Variants in HS2ST1 observed in about 807,000 individuals in gnomAD.
The protein encoded by HS2ST1 is 2-O-sulfotransferase.
A neutral mutation model predicts 42.9 loss-of-function variants in HS2ST1; 18 were observed. The observed-to-expected ratio is 0.42, with a 90% CI of 0.29 to 0.62. The LOEUF (loss-of-function observed/expected upper bound fraction) is 0.62, where lower values mean the gene tolerates loss of function less well. Ranked by LOEUF, HS2ST1 falls within the 20% of genes least tolerant of loss-of-function variation. The probability of loss-of-function intolerance (pLI) is 0.21; values close to 1 mark genes in which losing one functional copy is unlikely to be tolerated. For missense variants in HS2ST1, 334 were observed against 433.8 expected (o/e 0.77, Z 2.04); for synonymous variants, 146 against 152.9 (o/e 0.95, Z 0.33).
At chr1:87,024,576 A>G (rs1045317261) in intron 1 of HS2ST1, among the ~76,000 whole-genome samples, 1 of 152,074 alleles carries the variant, frequency 6.6e-6, no homozygotes, top group African/African-American at 2.4e-5. Context: ...CTTAGGGACT[A>G]TTGTGACCTT....
At chr1:87,023,156 A>G (rs923079104) in intron 1 of HS2ST1, among the ~76,000 whole-genome samples, 3 of 152,224 alleles carry the variant, frequency 2.0e-5, no homozygotes, top group African/African-American at 7.2e-5. Context: ...AGAACTAATG[A>G]GTTGGTATAA....
At chr1:86,946,356 G>A (rs1175862660) in intron 1 of HS2ST1, among the ~76,000 whole-genome samples, 1 of 152,140 alleles carries the variant, frequency 6.6e-6, no homozygotes, top group Non-Finnish European at 1.5e-5. Context: ...AAGCACTTTT[G>A]AATTAGATGA....
chr1:87,062,590 A>G (rs1651143444), intron 1 of HS2ST1, among the ~76,000 whole-genome samples: 1 of 152,188 alleles, frequency 6.6e-6, no homozygotes, highest in South Asian at 2.1e-4. Flanking sequence ...TCAAGAGGAA[A>G]GGGAAAGTTT....
At chr1:87,085,164 C>T (rs1651791063) in intron 3 of HS2ST1, among the ~76,000 whole-genome samples, 1 of 152,050 alleles carries the variant, frequency 6.6e-6, no homozygotes, top group African/African-American at 2.4e-5. Flanking sequence ...CAAATGTTTT[C>T]CCTAAGATTC....
chr1:86,948,472 A>G (rs1250025023), intron 1 of HS2ST1, among the ~76,000 whole-genome samples: 2 of 152,206 alleles, frequency 1.3e-5, no homozygotes, highest in Admixed American at 6.5e-5. Context: ...TTTAAAGCAT[A>G]GCGTTCATTC....
At chr1:87,038,131 G>T (rs1650429007) in intron 1 of HS2ST1, among the ~76,000 whole-genome samples, 1 of 151,838 alleles carries the variant, frequency 6.6e-6, no homozygotes, top group Non-Finnish European at 1.5e-5. Context: ...TATTTAGTTA[G>T]GTCACAACCA....
At chr1:86,945,989 T>A (rs1647320778) in intron 1 of HS2ST1, among the ~76,000 whole-genome samples, 1 of 152,230 alleles carries the variant, frequency 6.6e-6, no homozygotes, top group African/African-American at 2.4e-5. Context: ...AGCTGTATGT[T>A]CAAAGAGGTT....
At chr1:86,969,798 T>C (rs6696808) in intron 1 of HS2ST1, among the ~76,000 whole-genome samples, 137,239 of 151,746 alleles carry the variant, frequency 0.9, 62,318 homozygotes, top group East Asian at 0.99. Flanking sequence ...TGTTTACTGA[T>C]AAGACTGAGT....
intron 1 of HS2ST1, among the ~76,000 whole-genome samples, chr1:86,919,618 CG>C (rs1411301489): frequency 1.3e-5 from 2 of 152,038 alleles, no homozygotes; most frequent in Non-Finnish European, 2.9e-5. Context: ...CTTTAAACCT[CG>C]GGGACCCATA....
At chr1:87,005,949 C>T (rs1649427423) in intron 1 of HS2ST1, among the ~76,000 whole-genome samples, 1 of 152,058 alleles carries the variant, frequency 6.6e-6, no homozygotes, top group Admixed American at 6.5e-5. Flanking sequence ...ATCCTCATTA[C>T]ATTTTTGAGT....
Position 87,104,972 on chromosome 1 carries a change from C to T in HS2ST1, c.*276C>T, listed in dbSNP as rs1652298904. 9.2e-6 allele frequency: 3 copies of T among 325,738 alleles called. No homozygotes were observed. Among genetic ancestry groups the T allele is most frequent in the Admixed American group, 4.6e-5 (1 of 21,844 alleles). 20.2% of individuals were successfully genotyped at this position (325,738 alleles called of 1,614,324 possible). ...TACATCACCTAAAATGAACTTATGG[C>T]AGGTCTAATCAAAAGGCTAAATACA... On this transcript the variant is annotated 3_prime_UTR_variant, in exon 7 of 7. Coordinates refer to ENST00000370550, the MANE Select transcript of HS2ST1 (RefSeq NM_012262.4).
At chr1:87,061,165 AAC>A (rs1316485466) in intron 1 of HS2ST1, among the ~76,000 whole-genome samples, 1 of 152,164 alleles carries the variant, frequency 6.6e-6, no homozygotes, top group African/African-American at 2.4e-5. Context: ...CTAATTTATA[AAC>A]AGTTAAATAT....
chr1:87,006,797 A>G (rs1297694865), intron 1 of HS2ST1, among the ~76,000 whole-genome samples: 10 of 152,144 alleles, frequency 6.6e-5, no homozygotes, highest in Admixed American at 6.5e-4. Flanking sequence ...ATTTGCTAAC[A>G]TAAGATAATA....
At chr1:86,949,374 G>A (rs1647434709) in intron 1 of HS2ST1, among the ~76,000 whole-genome samples, 1 of 152,206 alleles carries the variant, frequency 6.6e-6, no homozygotes, top group African/African-American at 2.4e-5. Flanking sequence ...GTCCCAAAGT[G>A]CTGAGATTAC....
At chr1:86,925,329 C>T (rs967053927) in intron 1 of HS2ST1, among the ~76,000 whole-genome samples, 1 of 152,322 alleles carries the variant, frequency 6.6e-6, no homozygotes, top group Admixed American at 6.5e-5. Flanking sequence ...ACTGTTCTAA[C>T]CTCTGCCTAT....
intron 1 of HS2ST1, among the ~76,000 whole-genome samples, chr1:86,976,153 G>A (rs1648394550): frequency 6.6e-6 from 1 of 152,140 alleles, no homozygotes; most frequent in South Asian, 2.1e-4. Context: ...CTATTCAGTG[G>A]CAGATGTTAA....
At chr1:86,996,522 A>G (rs1357412611) in intron 1 of HS2ST1, among the ~76,000 whole-genome samples, 1 of 151,848 alleles carries the variant, frequency 6.6e-6, no homozygotes, top group East Asian at 1.9e-4. Flanking sequence ...AGGTACATGT[A>G]GCCCATCTTG....
At chr1:87,046,139 C>T (rs1163028404) in intron 1 of HS2ST1, 1 of 712,390 alleles carries the variant, frequency 1.4e-6, no homozygotes, top group Non-Finnish European at 2.6e-6. Flanking sequence ...CTTTAGATAA[C>T]AGAGCTGCCC....
intron 1 of HS2ST1, among the ~76,000 whole-genome samples, chr1:86,933,706 ATTTTTTT>A (rs58580477): frequency 7.7e-6 from 1 of 129,206 alleles, no homozygotes; most frequent in East Asian, 2.3e-4. Context: ...ATGCCTTGTA[ATTTTTTT>A]TTTTTTTTTT....
Sources: allele counts gnomAD v4.1 joint callset (sites outside exome capture counted in the v4.1 genomes callset), GRCh38; gene constraint gnomAD v4.1.1; transcripts MANE v1.5; gene names NCBI Gene and HGNC (gene_info 2026-07-23, HGNC 2026-07-21).